The following NKAIN2 variants were observed in gnomAD, a reference collection of about 807,000 sequenced individuals.
NKAIN2 encodes sodium/potassium transporting ATPase interacting 2, also known as sodium/potassium-transporting ATPase subunit beta-1-interacting protein 2.
Under a neutral mutation model 32.6 loss-of-function variants are expected in NKAIN2, and 14 were observed. That is an observed-to-expected ratio of 0.43 (90% CI 0.28 to 0.67). NKAIN2 has a LOEUF of 0.67. Ranked by LOEUF, NKAIN2 falls within the 30% of genes least tolerant of loss-of-function variation. The pLI is 0.17. For synonymous variants in NKAIN2, 80 were observed against 87.2 expected, an observed-to-expected ratio of 0.92 and a Z score of 0.46; for missense variants, 198 against 258.3, an observed-to-expected ratio of 0.77 and a Z score of 1.60.
At chr6:124,697,478 G>A (rs922740359) in intron 4 of NKAIN2, among the ~76,000 whole-genome samples, 6 of 151,696 alleles carry the variant, frequency 4.0e-5, no homozygotes, top group South Asian at 4.2e-4. Flanking sequence ...TTTTCATATC[G>A]CAGTTATGAG....
intron 1 of NKAIN2, among the ~76,000 whole-genome samples, chr6:123,947,564 A>T (rs170981): frequency 0.41 from 62,218 of 151,924 alleles, 15,391 homozygotes; most frequent in African/African-American, 0.7. Flanking sequence ...TACTTTTTTT[A>T]AGCCATAGCC....
chr6:123,947,904 C>T (rs562305312), intron 1 of NKAIN2, among the ~76,000 whole-genome samples: 17 of 150,740 alleles, frequency 1.1e-4, no homozygotes, highest in Admixed American at 4.6e-4. Flanking sequence ...CTCTATAATT[C>T]TCACAAGCTC....
chr6:124,484,121 G>T (rs973985771), intron 3 of NKAIN2, among the ~76,000 whole-genome samples: 2 of 152,182 alleles, frequency 1.3e-5, no homozygotes, highest in Admixed American at 1.3e-4. Context: ...AGTTGGACTG[G>T]ATGCAAGTTT....
At chr6:124,458,475 A>G (rs558092542) in intron 3 of NKAIN2, among the ~76,000 whole-genome samples, 4 of 152,030 alleles carry the variant, frequency 2.6e-5, no homozygotes, top group Admixed American at 1.3e-4. Context: ...TTGGATCTGT[A>G]TATCATTAAC....
At chr6:124,406,151 C>A (rs753119339) in intron 3 of NKAIN2, among the ~76,000 whole-genome samples, 1 of 151,866 alleles carries the variant, frequency 6.6e-6, no homozygotes, top group Non-Finnish European at 1.5e-5. Flanking sequence ...ACTTAAGAAA[C>A]CATCACCAAA....
At chr6:123,965,434 T>A (rs1377476998) in intron 1 of NKAIN2, among the ~76,000 whole-genome samples, 1 of 152,174 alleles carries the variant, frequency 6.6e-6, no homozygotes, top group Non-Finnish European at 1.5e-5. Flanking sequence ...TCCTATCATG[T>A]TAATCCCCCT....
intron 3 of NKAIN2, among the ~76,000 whole-genome samples, chr6:124,524,644 A>G (rs1231668149): frequency 1.3e-5 from 2 of 152,220 alleles, no homozygotes; most frequent in Non-Finnish European, 1.5e-5. Flanking sequence ...ATAAATTTAG[A>G]TGATAAAAAT....
chr6:124,442,918 C>T (rs1222533028), intron 3 of NKAIN2, among the ~76,000 whole-genome samples: 1 of 152,104 alleles, frequency 6.6e-6, no homozygotes, highest in Admixed American at 6.6e-5. Context: ...AGCAGGGCCA[C>T]TTATACCACA....
At chr6:124,569,793 T>C (rs908228169) in intron 3 of NKAIN2, among the ~76,000 whole-genome samples, 2 of 152,146 alleles carry the variant, frequency 1.3e-5, no homozygotes, top group African/African-American at 4.8e-5. Flanking sequence ...AAATTGGTAC[T>C]GAGAGTAGGG....
intron 4 of NKAIN2, among the ~76,000 whole-genome samples, chr6:124,766,890 T>C (rs1040296362): frequency 1.3e-5 from 2 of 151,552 alleles, no homozygotes; most frequent in African/African-American, 4.8e-5. Flanking sequence ...TTGAGCTGTC[T>C]TGTTTTTTGT....
At chr6:123,869,430 AG>A (rs1772753961) in intron 1 of NKAIN2, among the ~76,000 whole-genome samples, 3 of 152,198 alleles carry the variant, frequency 2.0e-5, no homozygotes, top group Admixed American at 6.5e-5. Flanking sequence ...AAGAGCTCTC[AG>A]CCCATGCAAC....
intron 5 of NKAIN2, among the ~76,000 whole-genome samples, chr6:124,810,646 A>G (rs1780855915): frequency 6.6e-6 from 1 of 151,922 alleles, no homozygotes; most frequent in African/African-American, 2.4e-5. Flanking sequence ...AAAATAAACA[A>G]ATAAATAAAT....
At chr6:124,469,560 T>C (rs1776891779) in intron 3 of NKAIN2, among the ~76,000 whole-genome samples, 1 of 152,218 alleles carries the variant, frequency 6.6e-6, no homozygotes, top group African/African-American at 2.4e-5. Context: ...TGGTCCTTTT[T>C]TATTTTGCTA....
intron 4 of NKAIN2, among the ~76,000 whole-genome samples, chr6:124,740,443 T>TAC (rs766870512): frequency 1.0e-5 from 1 of 99,278 alleles, no homozygotes; most frequent in East Asian, 3.3e-4. Context: ...TATACACATA[T>TAC]ACACGTGTGT....
chr6:124,471,026 G>A (rs1583300282), intron 3 of NKAIN2, among the ~76,000 whole-genome samples: 1 of 152,012 alleles, frequency 6.6e-6, no homozygotes, highest in South Asian at 2.1e-4. Flanking sequence ...GCTTCCCTTT[G>A]GCTACAAGCC....
intron 4 of NKAIN2, among the ~76,000 whole-genome samples, chr6:124,789,756 T>C (rs1181243822): frequency 6.6e-6 from 1 of 152,104 alleles, no homozygotes; most frequent in African/African-American, 2.4e-5. Flanking sequence ...CTCTATTATA[T>C]AAAGAAGTGG....
At chr6:124,481,193 G>A (rs1777434923) in intron 3 of NKAIN2, among the ~76,000 whole-genome samples, 1 of 144,558 alleles carries the variant, frequency 6.9e-6, no homozygotes, top group African/African-American at 2.6e-5. Context: ...TTTTTTCACA[G>A]TGGAACACCC....
At chr6:124,020,368 A>G (rs1780809491) in intron 1 of NKAIN2, among the ~76,000 whole-genome samples, 1 of 152,074 alleles carries the variant, frequency 6.6e-6, no homozygotes, top group African/African-American at 2.4e-5. Flanking sequence ...CCTTTGCCTC[A>G]TTTCTTCTTA....
intron 2 of NKAIN2, among the ~76,000 whole-genome samples, chr6:124,318,617 T>C (rs1380820627): frequency 6.6e-6 from 1 of 152,086 alleles, no homozygotes; most frequent in African/African-American, 2.4e-5. Context: ...AACTTATCTG[T>C]CTTTGTCTTA....
Sources: gnomAD v4.1 joint callset for allele counts (sites outside exome capture counted in the v4.1 genomes callset) on GRCh38, gnomAD v4.1.1 for gene constraint, MANE v1.5 for transcripts, NCBI Gene and HGNC (gene_info 2026-07-23, HGNC 2026-07-21) for gene names.